The following KAZN variants were observed in gnomAD, a reference collection of about 807,000 sequenced individuals.
KAZN encodes the protein kazrin.
KAZN carries 40 observed loss-of-function variants against 87.4 expected under a neutral mutation model. The observed-to-expected ratio is 0.46, with a 90% CI of 0.36 to 0.60. The LOEUF is 0.60. Among genes scored for constraint, KAZN ranks in the 20% least tolerant of loss-of-function variants. KAZN has a pLI of 0.00. For synonymous variants in KAZN, 466 were observed against 458.3 expected (o/e 1.02, Z -0.22); for missense variants, 898 against 1,073.9 (o/e 0.84, Z 2.29).
chr1:14,500,842 C>T (rs957743456), intron 2 of KAZN, among the ~76,000 whole-genome samples: 6 of 151,844 alleles, frequency 4.0e-5, no homozygotes, highest in Admixed American at 1.3e-4. Flanking sequence ...AATGATATAG[C>T]CTAGATGAAA....
chr1:14,574,123 C>A (rs1488790395), intron 2 of KAZN, among the ~76,000 whole-genome samples: 1 of 152,116 alleles, frequency 6.6e-6, no homozygotes, highest in African/African-American at 2.4e-5. Flanking sequence ...ATTTTTCTTG[C>A]TTGGAAAAAT....
intron 2 of KAZN, among the ~76,000 whole-genome samples, chr1:14,406,053 G>A (rs1038770183): frequency 3.3e-5 from 5 of 152,004 alleles, no homozygotes; most frequent in Non-Finnish European, 7.4e-5. Context: ...GGGTGACTAT[G>A]GTCAACAATA....
intron 1 of KAZN, among the ~76,000 whole-genome samples, chr1:14,728,261 G>A (rs954501376): frequency 7.1e-6 from 1 of 141,418 alleles, no homozygotes; most frequent in Admixed American, 7.4e-5. Flanking sequence ...ACTCTAGCCT[G>A]GGCAGCAAGA....
At chr1:14,613,077 A>G (rs1367676134) in intron 1 of KAZN, among the ~76,000 whole-genome samples, 1 of 152,214 alleles carries the variant, frequency 6.6e-6, no homozygotes, top group Non-Finnish European at 1.5e-5. Context: ...CCTTGCTCCC[A>G]GGATGAGCCG....
At chr1:14,338,304 T>C (rs552721408) in intron 2 of KAZN, among the ~76,000 whole-genome samples, 187 of 119,192 alleles carry the variant, frequency 1.6e-3, no homozygotes, top group African/African-American at 5.9e-3. Context: ...CGAAACCCCA[T>C]CTCCACTAAA....
chr1:14,091,847 A>C (rs914177353), intron 1 of KAZN, among the ~76,000 whole-genome samples: 2 of 152,148 alleles, frequency 1.3e-5, no homozygotes, highest in African/African-American at 4.8e-5. Context: ...AATTCATGCT[A>C]ACCTTGCTTG....
intron 1 of KAZN, among the ~76,000 whole-genome samples, chr1:14,868,611 A>T (rs543381159): frequency 6.6e-6 from 1 of 150,958 alleles, no homozygotes; most frequent in East Asian, 1.9e-4. Context: ...ATCTGGGCAG[A>T]CTTTGAGTTT....
intron 1 of KAZN, among the ~76,000 whole-genome samples, chr1:14,043,513 C>T (rs1003722192): frequency 1.1e-4 from 17 of 152,032 alleles, no homozygotes; most frequent in African/African-American, 2.9e-4. Context: ...GAGGAACTGT[C>T]GTACTGTTTT....
chr1:15,095,437 G>C (rs1640764998), intron 10 of KAZN, among the ~76,000 whole-genome samples: 1 of 152,152 alleles, frequency 6.6e-6, no homozygotes, highest in Non-Finnish European at 1.5e-5. Context: ...AGCATACCTG[G>C]GATGGCTGCA....
chr1:14,417,762 C>G (rs921648567), intron 2 of KAZN, among the ~76,000 whole-genome samples: 2 of 151,698 alleles, frequency 1.3e-5, no homozygotes, highest in African/African-American at 4.8e-5. Context: ...TTTGGGAGGC[C>G]AAAGCAGGCA....
intron 1 of KAZN, among the ~76,000 whole-genome samples, chr1:14,826,927 G>A (rs550596948): frequency 1.6e-4 from 24 of 152,300 alleles, no homozygotes; most frequent in Non-Finnish European, 2.9e-4. Context: ...CTGGCTCGGC[G>A]GCTGTGTGAT....
chr1:15,018,968 G>T (rs1670396127), intron 2 of KAZN, among the ~76,000 whole-genome samples: 1 of 152,244 alleles, frequency 6.6e-6, no homozygotes, highest in African/African-American at 2.4e-5. Flanking sequence ...CTGAGGCCCT[G>T]AGAAGTTGCT....
chr1:14,086,319 C>A (rs186320591), intron 1 of KAZN, among the ~76,000 whole-genome samples: 9 of 152,216 alleles, frequency 5.9e-5, no homozygotes, highest in Admixed American at 5.9e-4. Flanking sequence ...GCCTGGCAGG[C>A]ATTAGCTATT....
Position 15,115,690 on chromosome 1 carries a change from C to G in KAZN, c.*1055C>G, listed in dbSNP as rs1641819541. 6.6e-6 allele frequency: 1 copy of G among 152,130 alleles called. No homozygotes were observed. The highest frequency in any genetic ancestry group is 2.1e-4 in the South Asian group (1 of 4,810). 9.4% of individuals were successfully genotyped at this position (152,130 alleles called of 1,614,324 possible). A position where few individuals can be genotyped will look rare whatever the true frequency, so the allele number is the denominator to read the frequency against. ...TCATTTGGTATTGGTGGGGAGAACC[C>G]CAGCCCTTTTCTTGACCTGCCACTG... On this transcript the variant is annotated 3_prime_UTR_variant, in exon 15 of 15. Transcript: ENST00000376030. The surrounding 1 kb of genome is among the most constrained non-coding windows in gnomAD (Gnocchi z 4.1).
intron 2 of KAZN, among the ~76,000 whole-genome samples, chr1:14,571,173 A>G (rs570827214): frequency 2.0e-4 from 31 of 152,118 alleles, no homozygotes; most frequent in Admixed American, 1.1e-3. Context: ...ATAACCTTGT[A>G]GAAACGTACA....
In KAZN at chr1:14,061,851, CAA is replaced by C. The variant is rs1332306955; in HGVS notation, c.92-118580_92-118579del. On this transcript the variant is annotated intron_variant, in intron 1 of 16. Transcript: ENST00000636203. ...AGAATGGGTGTGAGAGTTGCGGACA[CAA>C]AAAGAGAGAATTCGGAAGACTGTCG... Among the ~76,000 whole-genome samples the C allele has an allele frequency of 5.3e-5, 8 of 152,162 alleles. No homozygotes were observed. In the East Asian group the frequency reaches 1.5e-3, roughly 29 times the overall value.
intron 7 of KAZN, 121 bp downstream of exon 7, chr1:15,063,743 C>T (rs1385291160): frequency 1.5e-5 from 12 of 809,966 alleles, no homozygotes; most frequent in Non-Finnish European, 2.5e-5. Context: ...GGATTTATGC[C>T]ACTTCCGCTG....
intron 8 of KAZN, among the ~76,000 whole-genome samples, chr1:15,084,857 T>G (rs960704854): frequency 6.6e-6 from 1 of 152,186 alleles, no homozygotes; most frequent in Non-Finnish European, 1.5e-5. Flanking sequence ...CAAAAACAAA[T>G]AGCAAATTTA....
chr1:14,061,416 G>A (rs904477496), intron 1 of KAZN, among the ~76,000 whole-genome samples: 1 of 152,172 alleles, frequency 6.6e-6, no homozygotes. Flanking sequence ...GGTAGAGAGG[G>A]CACAGGCCAG....
Sources: allele counts gnomAD v4.1 joint callset (sites outside exome capture counted in the v4.1 genomes callset), GRCh38; gene constraint gnomAD v4.1.1; non-coding constraint Gnocchi (gnomAD v3.1); transcripts MANE v1.5; gene names NCBI Gene and HGNC (gene_info 2026-07-23, HGNC 2026-07-21).